Variants in TTC28 observed in about 807,000 individuals in gnomAD.
TTC28 encodes the protein tetratricopeptide repeat protein 28.
In TTC28, 61 loss-of-function variants were observed where a neutral mutation model predicts 198.0. That is an observed-to-expected ratio of 0.31 (90% CI 0.25 to 0.38). The LOEUF is 0.38. Ranked by LOEUF, TTC28 falls within the 10% of genes least tolerant of loss-of-function variation. TTC28 has a pLI of 1.00. For synonymous variants in TTC28, 1,171 were observed against 1,297.8 expected (o/e 0.90, Z 2.10); for missense variants, 2,678 against 3,164.0 (o/e 0.85, Z 3.69).
intron 2 of TTC28, among the ~76,000 whole-genome samples, chr22:28,420,313 A>G (rs929283706): frequency 6.6e-6 from 1 of 152,204 alleles, no homozygotes; most frequent in African/African-American, 2.4e-5. Context: ...AAGTCCAAGC[A>G]TATCTCTTTG....
chr22:28,283,543 C>T (rs2044624792), intron 5 of TTC28, among the ~76,000 whole-genome samples: 1 of 152,140 alleles, frequency 6.6e-6, no homozygotes, highest in African/African-American at 2.4e-5. Flanking sequence ...ATCCAGAAGG[C>T]TCAATTTTCT....
At chr22:28,344,394 C>A (rs1377341611) in intron 2 of TTC28, among the ~76,000 whole-genome samples, 1 of 151,928 alleles carries the variant, frequency 6.6e-6, no homozygotes, top group African/African-American at 2.4e-5. Context: ...TGCTTAAGAA[C>A]TAAGACATGA....
At chr22:28,476,824 G>T (rs1476867149) in intron 2 of TTC28, among the ~76,000 whole-genome samples, 2 of 152,026 alleles carry the variant, frequency 1.3e-5, no homozygotes, top group Admixed American at 6.6e-5. Context: ...ACTTGTATAT[G>T]AATGTTCATA....
intron 10 of TTC28, among the ~76,000 whole-genome samples, chr22:28,097,232 G>C (rs1049738542): frequency 6.6e-6 from 1 of 152,196 alleles, no homozygotes; most frequent in East Asian, 1.9e-4. Flanking sequence ...CTTGTCTCAA[G>C]AAGAGGGATG....
rs559281181 is a variant in TTC28 at position 28,389,451 on chromosome 22, G to A, written c.382-82808C>T. Among the ~76,000 whole-genome samples, 83 of 150,788 alleles carry A rather than the reference G, an allele frequency of 5.5e-4. No individual in the cohort carries two copies. The East Asian group carries it at 8.0e-3, about 15-fold the overall frequency. ...CCTCCTTGTACCTCTGGTAGAATTC[G>A]GCAGTGAATCCATCTGGTCCTGGAC... On this transcript the variant is annotated intron_variant, in intron 2 of 22. Coordinates refer to ENST00000397906, the MANE Select transcript of TTC28 (RefSeq NM_001145418.2).
chr22:28,444,816 T>G (rs879653044), intron 2 of TTC28, among the ~76,000 whole-genome samples: 2 of 152,196 alleles, frequency 1.3e-5, no homozygotes, highest in African/African-American at 2.4e-5. Flanking sequence ...ACCTATTATT[T>G]CACTGCCAGT....
chr22:28,626,093 T>C (rs1432873354), intron 2 of TTC28, among the ~76,000 whole-genome samples: 1 of 152,158 alleles, frequency 6.6e-6, no homozygotes, highest in African/African-American at 2.4e-5. Flanking sequence ...AAGAAAATCT[T>C]TGTAACCTTG....
chr22:28,006,217 A>T (rs1937923910), intron 14 of TTC28, among the ~76,000 whole-genome samples: 1 of 152,018 alleles, frequency 6.6e-6, no homozygotes, highest in Admixed American at 6.5e-5. Context: ...AGCTCTGCAC[A>T]CTCCAACAAG....
At chr22:27,998,478 G>A (rs1156387188) in intron 16 of TTC28, 62 bp downstream of exon 16, 66 of 1,492,582 alleles carry the variant, frequency 4.4e-5, no homozygotes, top group South Asian at 6.7e-5. Context: ...GAATAAAGTC[G>A]GGGGGCTGTG....
intron 2 of TTC28, among the ~76,000 whole-genome samples, chr22:28,446,754 T>G (rs1182782393): frequency 6.6e-6 from 1 of 152,092 alleles, no homozygotes; most frequent in East Asian, 1.9e-4. Flanking sequence ...CTCAGGTAAT[T>G]TACAGCAATA....
chr22:28,118,521 T>C (rs530021485), intron 6 of TTC28, among the ~76,000 whole-genome samples: 67 of 152,340 alleles, frequency 4.4e-4, no homozygotes, highest in Non-Finnish European at 8.1e-4. Context: ...ACCTTCTCTA[T>C]GTTTAGATAC....
At chr22:27,997,219 C>T (rs1042315461) in intron 16 of TTC28, among the ~76,000 whole-genome samples, 2 of 152,222 alleles carry the variant, frequency 1.3e-5, no homozygotes, top group Non-Finnish European at 2.9e-5. Flanking sequence ...GTGCATGCTT[C>T]GCCTGGCAGA....
At chr22:28,532,637 A>C (rs1366041698) in intron 2 of TTC28, among the ~76,000 whole-genome samples, 1 of 152,244 alleles carries the variant, frequency 6.6e-6, no homozygotes, top group African/African-American at 2.4e-5. Context: ...TCCGTGATGA[A>C]CATCGATGCA....
At chr22:28,105,873 A>AAATG in intron 7 of TTC28, 71 bp from the exon 8 acceptor site, 1 of 1,451,926 alleles carries the variant, frequency 6.9e-7, no homozygotes, top group South Asian at 1.4e-5. Flanking sequence ...GCCCCTGAGA[A>AAATG]AATGAAAAGC....
chr22:28,561,159 C>T lies in TTC28; in HGVS notation c.381+68393G>A, dbSNP rs570806665. On this transcript the variant is annotated intron_variant, in intron 2 of 22. Coordinates refer to ENST00000397906, the MANE Select transcript of TTC28 (RefSeq NM_001145418.2). ...CGCAATCTAGGCTCACTGCAAGCTC[C>T]GCCTCCCGGGTTCATGCCATTCTCC... is the stretch of plus-strand genomic sequence containing the variant. Among the ~76,000 whole-genome samples the T allele has an allele frequency of 1.9e-4, 29 of 150,954 alleles. No homozygotes were observed. In the Middle Eastern group the frequency reaches 0.01, roughly 53 times the overall value.
At chr22:28,136,766 A>G (rs1394356968) in intron 6 of TTC28, among the ~76,000 whole-genome samples, 1 of 152,182 alleles carries the variant, frequency 6.6e-6, no homozygotes, top group Non-Finnish European at 1.5e-5. Flanking sequence ...GTGATTCAAT[A>G]CAAGGCTCTG....
chr22:28,528,489 G>A (rs1420297249), intron 2 of TTC28, among the ~76,000 whole-genome samples: 2 of 151,930 alleles, frequency 1.3e-5, no homozygotes, highest in East Asian at 3.9e-4. Context: ...CAGAACTTTG[G>A]GAGGCCAAGA....
intron 6 of TTC28, among the ~76,000 whole-genome samples, chr22:28,160,574 T>C (rs1286925941): frequency 1.3e-5 from 2 of 152,164 alleles, no homozygotes; most frequent in Non-Finnish European, 2.9e-5. Flanking sequence ...AAAGTATGTA[T>C]GTTACAATCC....
chr22:28,677,149 C>G (rs2052002805), intron 1 of TTC28, among the ~76,000 whole-genome samples: 1 of 94,550 alleles, frequency 1.1e-5, no homozygotes, highest in Non-Finnish European at 2.0e-5. Flanking sequence ...GAGCAAGACT[C>G]CATCTCAGGA....
Sources: gnomAD v4.1 joint callset for allele counts (sites outside exome capture counted in the v4.1 genomes callset) on GRCh38, gnomAD v4.1.1 for gene constraint, MANE v1.5 for transcripts, NCBI Gene and HGNC (gene_info 2026-07-23, HGNC 2026-07-21) for gene names.